The following LRP1B variants were observed in gnomAD, a reference collection of about 807,000 sequenced individuals.
The protein encoded by LRP1B is low-density lipoprotein receptor-related protein 1B.
LRP1B carries 217 observed loss-of-function variants against 556.6 expected under a neutral mutation model. The observed-to-expected ratio is 0.39, with a 90% CI of 0.35 to 0.44. The LOEUF is 0.44. Among genes scored for constraint, LRP1B ranks in the 20% least tolerant of loss-of-function variants. The pLI is 1.00. For missense variants in LRP1B, 5,053 were observed against 5,620.8 expected (o/e 0.90, Z 3.23); for synonymous variants, 2,047 against 1,865.8 (o/e 1.10, Z -2.50).
chr2:140,405,038 C>T (rs761611010), intron 66 of LRP1B, among the ~76,000 whole-genome samples: 8 of 152,112 alleles, frequency 5.3e-5, no homozygotes, highest in Non-Finnish European at 1.0e-4. Context: ...TATCAGACCA[C>T]AGTAGAGTAA....
chr2:141,889,646 G>A (rs1699224476), intron 1 of LRP1B, among the ~76,000 whole-genome samples: 1 of 152,090 alleles, frequency 6.6e-6, no homozygotes, highest in South Asian at 2.1e-4. Context: ...GTTTCACACA[G>A]TGACTGTCAC....
chr2:141,699,784 C>T (rs913751026), intron 2 of LRP1B, among the ~76,000 whole-genome samples: 4 of 149,732 alleles, frequency 2.7e-5, no homozygotes, highest in Non-Finnish European at 4.5e-5. Flanking sequence ...GAATATTTGC[C>T]GTATTTTGAA....
At chr2:140,327,961 A>AAGG (rs1450306662) in intron 79 of LRP1B, among the ~76,000 whole-genome samples, 5 of 152,046 alleles carry the variant, frequency 3.3e-5, no homozygotes, top group Admixed American at 1.3e-4. Context: ...TTTTCTATTA[A>AAGG]GCCCTTTAAT....
intron 62 of LRP1B, among the ~76,000 whole-genome samples, chr2:140,453,889 T>C (rs887464166): frequency 2.0e-5 from 3 of 152,188 alleles, no homozygotes; most frequent in Non-Finnish European, 4.4e-5. Flanking sequence ...AAATTAAGAA[T>C]GCAAAATTTT....
At chr2:141,053,295 T>G (rs1013770859) in intron 10 of LRP1B, among the ~76,000 whole-genome samples, 2 of 151,954 alleles carry the variant, frequency 1.3e-5, no homozygotes, top group Non-Finnish European at 2.9e-5. Flanking sequence ...TCTGCTGGTA[T>G]CAATCTAATG....
At chr2:141,697,877 T>C (rs1160626090) in intron 2 of LRP1B, among the ~76,000 whole-genome samples, 2 of 151,984 alleles carry the variant, frequency 1.3e-5, no homozygotes, top group African/African-American at 4.8e-5. Flanking sequence ...CTCAGCACTG[T>C]TGTACACTTT....
intron 84 of LRP1B, among the ~76,000 whole-genome samples, chr2:140,283,784 CAA>C (rs1215863353): frequency 1.3e-5 from 2 of 151,694 alleles, no homozygotes; most frequent in African/African-American, 4.8e-5. Context: ...TTTAATGAGA[CAA>C]ACTTATAGGA....
intron 2 of LRP1B, among the ~76,000 whole-genome samples, chr2:141,622,972 C>T (rs949506713): frequency 1.1e-4 from 17 of 152,174 alleles, no homozygotes; most frequent in African/African-American, 3.1e-4. Context: ...GGCAGAGTTT[C>T]AGTTCCAATG....
chr2:142,067,515 A>G (rs1379343060), intron 1 of LRP1B, among the ~76,000 whole-genome samples: 1 of 151,562 alleles, frequency 6.6e-6, no homozygotes, highest in African/African-American at 2.4e-5. Context: ...ATATGCTGTG[A>G]TTCAATTCAA....
intron 32 of LRP1B, among the ~76,000 whole-genome samples, chr2:140,811,475 A>G (rs1319305957): frequency 6.6e-6 from 1 of 152,194 alleles, no homozygotes; most frequent in Admixed American, 6.6e-5. Context: ...TTTTCCCTTA[A>G]AAGTCACCGA....
chr2:141,395,025 T>A (rs1690191154), intron 3 of LRP1B, among the ~76,000 whole-genome samples: 1 of 152,120 alleles, frequency 6.6e-6, no homozygotes, highest in Non-Finnish European at 1.5e-5. Flanking sequence ...AATGATGGAC[T>A]GCATATACAA....
chr2:141,630,079 C>G, intron 2 of LRP1B, among the ~76,000 whole-genome samples: 1 of 152,184 alleles, frequency 6.6e-6, no homozygotes, highest in East Asian at 1.9e-4. Context: ...AGGCAATATT[C>G]TACCACCCAC....
At chr2:142,004,540 A>G (rs550562595) in intron 1 of LRP1B, among the ~76,000 whole-genome samples, 5 of 152,146 alleles carry the variant, frequency 3.3e-5, no homozygotes, top group Non-Finnish European at 7.4e-5. Context: ...ATATATTTCT[A>G]TATTATTTGA....
At chr2:141,713,894 AT>A (rs1692468990) in intron 2 of LRP1B, among the ~76,000 whole-genome samples, 1 of 152,226 alleles carries the variant, frequency 6.6e-6, no homozygotes, top group East Asian at 1.9e-4. Context: ...TCTTTTTCCC[AT>A]CTTAGCATCA....
At chr2:140,443,547 T>C (rs1225840449) in intron 65 of LRP1B, among the ~76,000 whole-genome samples, 1 of 152,202 alleles carries the variant, frequency 6.6e-6, no homozygotes, top group South Asian at 2.1e-4. Context: ...TAAAAGTTTT[T>C]GAGGGATACA....
chr2:141,597,131 G>A (rs1687553694), intron 2 of LRP1B, among the ~76,000 whole-genome samples: 1 of 151,528 alleles, frequency 6.6e-6, no homozygotes, highest in Non-Finnish European at 1.5e-5. Context: ...AGAAACTTTA[G>A]TTGACCCAAA....
At chr2:140,433,963 T>C (rs1452453613) in intron 66 of LRP1B, among the ~76,000 whole-genome samples, 10 of 152,158 alleles carry the variant, frequency 6.6e-5, no homozygotes, top group Non-Finnish European at 1.3e-4. Flanking sequence ...ATGGATGATA[T>C]GATCCATGGG....
chr2:140,320,519 G>A (rs1476488205), intron 82 of LRP1B, among the ~76,000 whole-genome samples: 1 of 152,076 alleles, frequency 6.6e-6, no homozygotes, highest in Non-Finnish European at 1.5e-5. Context: ...AACAAACCCT[G>A]CCATGAATAA....
At chr2:141,000,552 A>C (rs1697387809) in intron 15 of LRP1B, among the ~76,000 whole-genome samples, 1 of 152,020 alleles carries the variant, frequency 6.6e-6, no homozygotes, top group Admixed American at 6.6e-5. Context: ...CAGGGACTAC[A>C]GACTAGGTTA....
Sources: allele counts gnomAD v4.1 joint callset (sites outside exome capture counted in the v4.1 genomes callset), GRCh38; gene constraint gnomAD v4.1.1; transcripts MANE v1.5; gene names NCBI Gene and HGNC (gene_info 2026-07-23, HGNC 2026-07-21).